Variants in LARS2 observed in about 807,000 individuals in gnomAD.
LARS2 encodes the protein leucine--tRNA ligase, mitochondrial.
In LARS2, 81 loss-of-function variants were observed where a neutral mutation model predicts 116.6. That is an observed-to-expected ratio of 0.69 (90% confidence interval 0.58 to 0.84). The LOEUF (loss-of-function observed/expected upper bound fraction) is 0.84, where lower values mean the gene tolerates loss of function less well. Among genes scored for constraint, LARS2 ranks in the 40% least tolerant of loss-of-function variants. The pLI is 0.00. For synonymous variants in LARS2, 396 were observed against 407.2 expected (o/e 0.97, Z 0.33); for missense variants, 968 against 1,114.5 (o/e 0.87, Z 1.87).
chr3:45,542,748 G>A (rs538201119), intron 21 of LARS2, among the ~76,000 whole-genome samples: 1 of 152,192 alleles, frequency 6.6e-6, no homozygotes, highest in Non-Finnish European at 1.5e-5. Context: ...GGTCCACCTT[G>A]CCCAGGTTTA....
intron 20 of LARS2, among the ~76,000 whole-genome samples, chr3:45,538,666 C>G (rs1700747154): frequency 6.6e-6 from 1 of 152,226 alleles, no homozygotes; most frequent in Non-Finnish European, 1.5e-5. Context: ...GGAGTCTTCA[C>G]TTCCCTCAGG....
At chr3:45,499,963 T>A (rs536106194) in intron 14 of LARS2, among the ~76,000 whole-genome samples, 3 of 152,194 alleles carry the variant, frequency 2.0e-5, no homozygotes, top group Non-Finnish European at 4.4e-5. Context: ...TATAAGCTTT[T>A]CTCATATATA....
In LARS2 at chr3:45,434,628, G is replaced by T. The variant is rs138638526; in HGVS notation, c.517-12263G>T. Among the ~76,000 whole-genome samples the T allele has an allele frequency of 2.2e-4, 34 of 152,270 alleles. No homozygotes were observed. The South Asian group carries it at 2.9e-3, about 13-fold the overall frequency. ...TCAGTTTGAAATCTTCCTGGTTTTA[G>T]GTATGGCTAATGATTTTCTATTGAA... is the stretch of plus-strand genomic sequence containing the variant. On this transcript the variant is annotated intron_variant, in intron 6 of 21. Transcript: ENST00000645846.
At chr3:45,525,326 T>C (rs1343109234) in intron 20 of LARS2, among the ~76,000 whole-genome samples, 1 of 152,246 alleles carries the variant, frequency 6.6e-6, no homozygotes, top group African/African-American at 2.4e-5. Flanking sequence ...AAAGCCACTT[T>C]AAAATTAAAC....
At position 45,484,760 on chromosome 3, in the gene LARS2, G is replaced by A. The variant is rs369771320; in HGVS notation, c.1019-932G>A. ...AATCCAAATTAAGTGTTTTATTAGGGCCACATAAATATTGTTCAACTGAGC... is the reference window on the plus strand; with the variant it reads ...AATCCAAATTAAGTGTTTTATTAGGACCACATAAATATTGTTCAACTGAGC... On this transcript the variant is annotated intron_variant, in intron 10 of 21. Coordinates refer to ENST00000645846, the MANE Select transcript of LARS2 (RefSeq NM_015340.4). Among the ~76,000 whole-genome samples the A allele has an allele frequency of 2.4e-3, 356 of 148,378 alleles. 12 individuals are homozygous for A. The South Asian group carries it at 0.071, about 29-fold the overall frequency.
chr3:45,460,242 C>A (rs1260926794), intron 8 of LARS2, among the ~76,000 whole-genome samples: 1 of 152,176 alleles, frequency 6.6e-6, no homozygotes, highest in East Asian at 1.9e-4. Flanking sequence ...TGCCTTGCTC[C>A]TTTTAAGCAC....
chr3:45,455,868 G>A (rs554650026), intron 7 of LARS2, among the ~76,000 whole-genome samples: 2 of 152,242 alleles, frequency 1.3e-5, no homozygotes, highest in South Asian at 4.1e-4. Context: ...CTAGAAGACA[G>A]TGTGCTAAAT....
chr3:45,436,620 C>T (rs1382053807), intron 6 of LARS2, among the ~76,000 whole-genome samples: 2 of 151,334 alleles, frequency 1.3e-5, no homozygotes, highest in Non-Finnish European at 2.9e-5. Flanking sequence ...AGGTGAAACC[C>T]CGTCTCTACT....
At chr3:45,505,897 T>C (rs78126328) in intron 15 of LARS2, among the ~76,000 whole-genome samples, 2,005 of 152,128 alleles carry the variant, frequency 0.013, 35 homozygotes, top group African/African-American at 0.046. Context: ...TTATTTACAA[T>C]AGTTTAAGAC....
chr3:45,516,166 A>G lies in LARS2; in HGVS notation c.1934A>G (p.His645Arg). 2 of 1,614,224 alleles carry G rather than the reference A, an allele frequency of 1.2e-6. No individual in the cohort carries two copies. The highest frequency in any genetic ancestry group is 1.7e-6 in the Non-Finnish European group (2 of 1,180,026). The change falls in exon 17 of 22, where the codon CAC (histidine) becomes CGC (arginine). Residue 645 changes from histidine to arginine, a missense_variant. His to Arg is a conservative substitution (Grantham distance 29, BLOSUM62 0). Transcript: ENST00000645846. ...TGGGAGAAGATGAGTAAGTCCAAAC[A>G]CAACGGGGTGGACCCAGAGGAAGTT... ...VTWEKMSKSK[H>R]NGVDPEEVVE... is the part of the protein sequence containing the mutation.
intron 20 of LARS2, among the ~76,000 whole-genome samples, chr3:45,537,965 C>G (rs1482242438): frequency 6.6e-6 from 1 of 152,202 alleles, no homozygotes; most frequent in East Asian, 1.9e-4. Flanking sequence ...GGCTTGTGTG[C>G]CAGGGCCTTG....
At chr3:45,469,495 G>A (rs755781438) in intron 8 of LARS2, among the ~76,000 whole-genome samples, 4 of 152,000 alleles carry the variant, frequency 2.6e-5, no homozygotes, top group East Asian at 1.9e-4. Flanking sequence ...ACAGGTGCCT[G>A]CCACCATGCC....
At chr3:45,415,351 C>A (rs986105440) in intron 4 of LARS2, among the ~76,000 whole-genome samples, 1 of 152,144 alleles carries the variant, frequency 6.6e-6, no homozygotes, top group Non-Finnish European at 1.5e-5. Context: ...TAGTGGCCAA[C>A]ATTATATACA....
chr3:45,423,615 A>G (rs1047936433), intron 6 of LARS2, among the ~76,000 whole-genome samples: 1 of 152,154 alleles, frequency 6.6e-6, no homozygotes, highest in African/African-American at 2.4e-5. Context: ...TCATTTCTTA[A>G]CCATTATATT....
At chr3:45,463,767 G>A (rs1041869815) in intron 8 of LARS2, among the ~76,000 whole-genome samples, 16 of 151,996 alleles carry the variant, frequency 1.1e-4, no homozygotes, top group Non-Finnish European at 2.4e-4. Flanking sequence ...CTGCTTTTAA[G>A]GAGCTTAGAC....
chr3:45,416,902 G>A (rs1337332389), intron 4 of LARS2, among the ~76,000 whole-genome samples: 1 of 151,828 alleles, frequency 6.6e-6, no homozygotes, highest in Non-Finnish European at 1.5e-5. Context: ...GTGAAACCCT[G>A]TCTCTACTAA....
intron 15 of LARS2, among the ~76,000 whole-genome samples, chr3:45,503,411 G>A (rs1396144543): frequency 6.6e-6 from 1 of 152,092 alleles, no homozygotes; most frequent in East Asian, 1.9e-4. Context: ...AGACTCCCAA[G>A]GTTGCTTAGG....
At chr3:45,429,015 A>C (rs937654281) in intron 6 of LARS2, among the ~76,000 whole-genome samples, 2 of 152,166 alleles carry the variant, frequency 1.3e-5, no homozygotes, top group Non-Finnish European at 2.9e-5. Flanking sequence ...AAGAAAATTA[A>C]CAGTAATTCC....
intron 6 of LARS2, among the ~76,000 whole-genome samples, chr3:45,435,324 G>A (rs1698780626): frequency 1.3e-5 from 2 of 152,108 alleles, no homozygotes; most frequent in African/African-American, 4.8e-5. Context: ...ACGCCCAATA[G>A]GGCTAGAAGT....
Sources: allele counts gnomAD v4.1 joint callset (sites outside exome capture counted in the v4.1 genomes callset), GRCh38; gene constraint gnomAD v4.1.1; transcripts MANE v1.5; gene names NCBI Gene and HGNC (gene_info 2026-07-23, HGNC 2026-07-21).